Variants in PRIM2 observed in about 807,000 individuals in gnomAD.
The protein encoded by PRIM2 is DNA primase large subunit.
A neutral mutation model predicts 67.3 loss-of-function variants in PRIM2; 39 were observed. The ratio of observed to expected loss-of-function variants is 0.58; its 90% CI spans 0.45 to 0.76. PRIM2 has a LOEUF of 0.76. Ranked by LOEUF, PRIM2 falls within the 30% of genes least tolerant of loss-of-function variation. The pLI, the probability that PRIM2 is intolerant of heterozygous loss-of-function variation, is 0.00. For synonymous variants in PRIM2, 143 were observed against 198.7 expected (o/e 0.72, Z 2.36); for missense variants, 398 against 598.7 (o/e 0.66, Z 3.50).
At chr6:57,232,369 G>A in the PRIM2 span, among the ~76,000 whole-genome samples, 4 of 152,130 alleles carry the variant, frequency 2.6e-5, no homozygotes, top group Non-Finnish European at 5.9e-5. Context: ...TGACCAATGT[G>A]GTGAAACCCC....
intron 10 of PRIM2, among the ~76,000 whole-genome samples, chr6:57,587,745 CAGAT>C (rs1429604029): frequency 1.5e-5 from 2 of 136,314 alleles, no homozygotes; most frequent in Non-Finnish European, 3.1e-5. Flanking sequence ...GAAGAGATAA[CAGAT>C]AGGATAGTGT....
chr6:57,465,919 C>A (rs1181829267), intron 7 of PRIM2, among the ~76,000 whole-genome samples: 1 of 151,770 alleles, frequency 6.6e-6, no homozygotes, highest in Non-Finnish European at 1.5e-5. Flanking sequence ...TTTGCTGCAC[C>A]CATCAACCTG....
At chr6:57,353,484 C>T (rs1768923963) in intron 5 of PRIM2, among the ~76,000 whole-genome samples, 1 of 152,138 alleles carries the variant, frequency 6.6e-6, no homozygotes, top group South Asian at 2.1e-4. Context: ...AATTCATTTT[C>T]TTATTCCTGT....
chr6:57,305,927 A>C, the PRIM2 span, among the ~76,000 whole-genome samples: 4 of 152,224 alleles, frequency 2.6e-5, no homozygotes, highest in African/African-American at 9.6e-5. Flanking sequence ...TTAATCTGAC[A>C]CACAGCAATG....
chr6:57,227,641 C>CAAAAAAAA, the PRIM2 span, among the ~76,000 whole-genome samples: 4 of 84,076 alleles, frequency 4.8e-5, no homozygotes, highest in Non-Finnish European at 9.1e-5. Flanking sequence ...GAGACCATCT[C>CAAAAAAAA]AAAAAAAAAA....
chr6:57,231,799 C>T, the PRIM2 span, among the ~76,000 whole-genome samples: 1 of 151,862 alleles, frequency 6.6e-6, no homozygotes, highest in Non-Finnish European at 1.5e-5. Flanking sequence ...TTTATTTACA[C>T]CATTTTCTAT....
intron 9 of PRIM2, among the ~76,000 whole-genome samples, chr6:57,535,765 T>C (rs1241977710): frequency 6.6e-6 from 1 of 151,906 alleles, no homozygotes; most frequent in Non-Finnish European, 1.5e-5. Flanking sequence ...CTCAGGAGGC[T>C]GAAGCAGGAG....
At chr6:57,407,248 G>A (rs550924013) in intron 7 of PRIM2, among the ~76,000 whole-genome samples, 7 of 152,178 alleles carry the variant, frequency 4.6e-5, no homozygotes, top group African/African-American at 1.4e-4. Context: ...CAAAGAAAGA[G>A]AATAACAATT....
intron 5 of PRIM2, among the ~76,000 whole-genome samples, chr6:57,327,535 T>G (rs1254566004): frequency 6.6e-6 from 1 of 152,222 alleles, no homozygotes; most frequent in Non-Finnish European, 1.5e-5. Context: ...CTATAGTTTC[T>G]TTCATTTACT....
At chr6:57,596,877 CAGA>C (rs1434970548) in intron 10 of PRIM2, among the ~76,000 whole-genome samples, 1 of 152,072 alleles carries the variant, frequency 6.6e-6, no homozygotes, top group Non-Finnish European at 1.5e-5. Flanking sequence ...AAAAGCTATC[CAGA>C]AGAACAAAAT....
chr6:57,482,747 C>A (rs1773660997), intron 7 of PRIM2, among the ~76,000 whole-genome samples: 1 of 152,036 alleles, frequency 6.6e-6, no homozygotes, highest in African/African-American at 2.4e-5. Context: ...TTAGGGACAG[C>A]ATCAAGAGAC....
intron 7 of PRIM2, among the ~76,000 whole-genome samples, chr6:57,466,001 G>A (rs2127399639): frequency 6.6e-6 from 1 of 151,488 alleles, no homozygotes. Flanking sequence ...GCCCCGGTGT[G>A]TGATGTTCCC....
At chr6:57,425,048 T>C (rs1771576814) in intron 7 of PRIM2, among the ~76,000 whole-genome samples, 1 of 152,184 alleles carries the variant, frequency 6.6e-6, no homozygotes, top group Non-Finnish European at 1.5e-5. Context: ...CTTGGTTAAA[T>C]AGATAACTGT....
chr6:57,229,407 A>G, the PRIM2 span, among the ~76,000 whole-genome samples: 5 of 151,970 alleles, frequency 3.3e-5, no homozygotes, highest in Non-Finnish European at 7.4e-5. Flanking sequence ...TGTTTTGTTA[A>G]AATTTCTTTT....
rs1230050459 is a variant in PRIM2 at position 57,552,780 on chromosome 6, C to T, written c.1020+15155C>T. Among the ~76,000 whole-genome samples the T allele has an allele frequency of 1.5e-4, 23 of 152,048 alleles. No homozygotes were observed. The South Asian group carries it at 3.3e-3, about 22-fold the overall frequency. On this transcript the variant is annotated intron_variant, in intron 10 of 13. Coordinates refer to ENST00000615550, the MANE Select transcript of PRIM2 (RefSeq NM_000947.5). ...CTTACCCTTTGAATTTTCATGTAAG[C>T]CTCAAAAAAACAAATATTTCTACAT...
chr6:57,620,243 C>T (rs1340982907), intron 12 of PRIM2, among the ~76,000 whole-genome samples: 6 of 152,104 alleles, frequency 3.9e-5, no homozygotes, highest in African/African-American at 7.2e-5. Context: ...AAAAGATCTT[C>T]GCCTAGGCAC....
Position 57,398,188 on chromosome 6 carries a change from G to A in PRIM2, c.693+16020G>A, listed in dbSNP as rs531665271. 1.3e-4 allele frequency among the ~76,000 whole-genome samples: 20 copies of A among 152,074 alleles called. No individual in the cohort carries two copies. In the East Asian group the frequency reaches 2.9e-3, roughly 22 times the overall value. On this transcript the variant is annotated intron_variant, in intron 7 of 13. Coordinates refer to ENST00000615550, the MANE Select transcript of PRIM2 (RefSeq NM_000947.5). ...TTGGCCAGGATGGTCTCGATCTCTT[G>A]ACCTCATGATCTGCTTGCCTCGGCC...
At chr6:57,369,619 G>A (rs1387795679) in intron 5 of PRIM2, among the ~76,000 whole-genome samples, 1 of 152,170 alleles carries the variant, frequency 6.6e-6, no homozygotes, top group African/African-American at 2.4e-5. Context: ...CTCTAAAATA[G>A]TAATGTAAGT....
chr6:57,632,730 C>T (rs1220418439), intron 13 of PRIM2, among the ~76,000 whole-genome samples: 1 of 152,218 alleles, frequency 6.6e-6, no homozygotes, highest in East Asian at 1.9e-4. Context: ...GCCACAGCTG[C>T]CTAGAAGAAC....
Sources: allele counts gnomAD v4.1 joint callset (sites outside exome capture counted in the v4.1 genomes callset), GRCh38; gene constraint gnomAD v4.1.1; transcripts MANE v1.5; gene names NCBI Gene and HGNC (gene_info 2026-07-23, HGNC 2026-07-21).